The following INTS3 variants were observed in gnomAD, a reference collection of about 807,000 sequenced individuals.
INTS3 encodes the protein integrator complex subunit 3.
In INTS3, 34 loss-of-function variants were observed where a neutral mutation model predicts 146.3. That is an observed-to-expected ratio of 0.23 (90% CI 0.18 to 0.31). INTS3 has a LOEUF of 0.31. Ranked by LOEUF, INTS3 falls within the 10% of genes least tolerant of loss-of-function variation. The pLI is 1.00. For missense variants in INTS3, 757 were observed against 1,304.2 expected (o/e 0.58, Z 6.46); for synonymous variants, 475 against 494.9 (o/e 0.96, Z 0.53).
intron 25 of INTS3, among the ~76,000 whole-genome samples, chr1:153,771,426 A>G (rs576841942): frequency 6.6e-6 from 1 of 151,832 alleles, no homozygotes; most frequent in African/African-American, 2.4e-5. Context: ...TCCAGCTGGA[A>G]GCCAGGTTGG....
At chr1:153,743,304 G>A (rs1191220212) in intron 3 of INTS3, among the ~76,000 whole-genome samples, 1 of 152,220 alleles carries the variant, frequency 6.6e-6, no homozygotes, top group African/African-American at 2.4e-5. Flanking sequence ...AGAAACCTCA[G>A]GATGTATTTG....
At chr1:153,745,996 G>A (rs9426901) in intron 3 of INTS3, among the ~76,000 whole-genome samples, 2 of 151,928 alleles carry the variant, frequency 1.3e-5, no homozygotes, top group African/African-American at 2.4e-5. Context: ...TACCAGCTAC[G>A]CAGAAGTTCG....
At chr1:153,752,458 G>A (rs200325233) in intron 8 of INTS3, 50 bp downstream of exon 8, 1 of 1,567,120 alleles carries the variant, frequency 6.4e-7, no homozygotes. Context: ...AGTTCAATGT[G>A]TATGTCTTGC....
chr1:153,739,962 G>A lies in INTS3; in HGVS notation c.151-689G>A, dbSNP rs555071942. On this transcript the variant is annotated intron_variant, in intron 1 of 29. Transcript: ENST00000318967. ...ATTACAGGCGCACACCACCATGCCCGGCTAATTTTTTGTATTTTTAGTAGA... is the reference window on the plus strand; with the variant it reads ...ATTACAGGCGCACACCACCATGCCCAGCTAATTTTTTGTATTTTTAGTAGA... Among the ~76,000 whole-genome samples, 128 of 149,690 alleles carry A rather than the reference G, an allele frequency of 8.6e-4. 1 individual carries two copies. The highest frequency in any genetic ancestry group is 3.1e-4 in the Non-Finnish European group (21 of 67,668).
chr1:153,729,058 T>C (rs1273098369), intron 1 of INTS3, among the ~76,000 whole-genome samples: 1 of 152,184 alleles, frequency 6.6e-6, no homozygotes, highest in Non-Finnish European at 1.5e-5. Flanking sequence ...TTACCGAATT[T>C]ATTTTTGACA....
At chr1:153,737,500 C>A (rs555523631) in intron 1 of INTS3, among the ~76,000 whole-genome samples, 17 of 152,046 alleles carry the variant, frequency 1.1e-4, no homozygotes, top group African/African-American at 3.1e-4. Context: ...TAACTGGAGA[C>A]CCTGGTACTT....
rs762534132 is a variant in INTS3 at position 153,738,106 on chromosome 1, AT to A, written c.151-2544del. Among the ~76,000 whole-genome samples, 209 of 152,218 alleles carry A rather than the reference AT, an allele frequency of 1.4e-3. 1 individual carries two copies. The highest frequency in any genetic ancestry group is 2.4e-3 in the Non-Finnish European group (163 of 68,014). On this transcript the variant is annotated intron_variant, in intron 1 of 29. Transcript: ENST00000318967. ...AAAACATAATCATAATATTTATATC[AT>A]AACTAAAAACATTAACAATAATGTT...
intron 20 of INTS3, among the ~76,000 whole-genome samples, chr1:153,765,627 T>C (rs948881448): frequency 6.6e-6 from 1 of 152,054 alleles, no homozygotes; most frequent in Non-Finnish European, 1.5e-5. Context: ...TGGAGTGCAG[T>C]GGTACAATCT....
chr1:153,728,373 C>G lies in INTS3; in HGVS notation c.-262C>G. On this transcript the variant is annotated 5_prime_UTR_variant, in exon 1 of 30. Coordinates refer to ENST00000318967, the MANE Select transcript of INTS3 (RefSeq NM_023015.5). ...CTACCCTTCCCATAGGGACACAGGC[C>G]TTTACCCCACTGTACTTCGGAGCCA... 2.1e-6 allele frequency: 1 copy of G among 466,600 alleles called. No individual in the cohort carries two copies. Among genetic ancestry groups the G allele is most frequent in the Non-Finnish European group, 3.8e-6 (1 of 266,360 alleles). 28.9% of individuals were successfully genotyped at this position (466,600 alleles called of 1,614,324 possible).
chr1:153,774,756 C>T lies in INTS3; in HGVS notation c.*1486C>T, dbSNP rs1047557422. 3 of 241,524 alleles carry T rather than the reference C, an allele frequency of 1.2e-5. No individual in the cohort carries two copies. Among genetic ancestry groups the T allele is most frequent in the African/African-American group, 2.3e-5 (1 of 43,350 alleles). The allele number at this position is 241,524 out of a possible 1,614,324, so 15.0% of individuals were successfully genotyped here. ...AACCACTGGAGGCTTCTTTTTCCTT[C>T]CTCTCTCCTTCCCCAGTTTCCTCTG... On this transcript the variant is annotated 3_prime_UTR_variant, in exon 30 of 30. Transcript: ENST00000318967.
chr1:153,729,444 A>G (rs886112556), intron 1 of INTS3, among the ~76,000 whole-genome samples: 1 of 152,168 alleles, frequency 6.6e-6, no homozygotes, highest in South Asian at 2.1e-4. Flanking sequence ...AATGGAATGG[A>G]CCTGAATGAG....
chr1:153,730,617 A>G (rs373365317), intron 1 of INTS3, among the ~76,000 whole-genome samples: 29 of 152,272 alleles, frequency 1.9e-4, no homozygotes, highest in African/African-American at 6.7e-4. Context: ...GTTTGCTACT[A>G]AATGAAATGA....
In INTS3 at chr1:153,771,834, C is replaced by T. The variant is rs1672888172; in HGVS notation, c.2591C>T (p.Pro864Leu). The T allele has an allele frequency of 6.2e-7, 1 of 1,613,998 alleles. No individual in the cohort carries two copies. Among genetic ancestry groups the T allele is most frequent in the Non-Finnish European group, 8.5e-7 (1 of 1,179,970 alleles). The change falls in exon 26 of 30, where the codon CCC becomes CTC. Residue 864 changes from proline (P) to leucine (L), a missense_variant. Pro to Leu is a moderately conservative substitution (Grantham distance 98). Coordinates refer to ENST00000318967, the MANE Select transcript of INTS3 (RefSeq NM_023015.5). ...ATGGTGAAGATGGTGCTGAGCCGGC[C>T]CTGCCATCCTGACGACCAGTTCACC... ...EEMVKMVLSR[P>L]CHPDDQFTTS... is the part of the protein sequence containing the mutation.
intron 12 of INTS3, 128 bp from the exon 13 acceptor site, chr1:153,760,699 C>A: frequency 1.3e-6 from 1 of 782,400 alleles, no homozygotes; most frequent in Non-Finnish European, 2.2e-6. Flanking sequence ...TCAGGAAGTC[C>A]AGTTCTCTCT....
rs928892363 is a variant in INTS3, at chr1:153,746,347, T to TG, written c.319-603dup. 6.6e-5 allele frequency among the ~76,000 whole-genome samples: 10 copies of TG among 152,222 alleles called. No individual in the cohort carries two copies. The South Asian group carries it at 1.7e-3, about 25-fold the overall frequency. On this transcript the variant is annotated intron_variant, in intron 3 of 29. Coordinates refer to ENST00000318967, the MANE Select transcript of INTS3 (RefSeq NM_023015.5). ...GTATGACACTTCCTAAGATGGGAAG[T>TG]GGGGGGGACAGGGATAGTACTAGGA...
chr1:153,773,357 G>A lies in INTS3; in HGVS notation c.*87G>A. 2.4e-6 allele frequency: 3 copies of A among 1,254,158 alleles called. No homozygotes were observed. The highest frequency in any genetic ancestry group is 3.5e-6 in the Non-Finnish European group (3 of 853,836). The allele number at this position is 1,254,158 out of a possible 1,614,324, so 77.7% of individuals were successfully genotyped here. ...GTTAATAGAGGCTGAGGAGATTGCAGGGGAAACACCCTTGCTGCATCCCCA... is the reference window on the plus strand; with the variant it reads ...GTTAATAGAGGCTGAGGAGATTGCAAGGGAAACACCCTTGCTGCATCCCCA... On this transcript the variant is annotated 3_prime_UTR_variant, in exon 30 of 30. Transcript: ENST00000318967.
chr1:153,740,703 A>G lies in INTS3; in HGVS notation c.203A>G (p.Glu68Gly). Residue 68 changes from glutamate to glycine, a missense_variant, in exon 2 of 30, where the codon GAG becomes GGG. Glu to Gly is a moderately conservative substitution (Grantham distance 98, BLOSUM62 -2). This residue lies in a region of INTS3 where 160 missense variants were observed against 193.7 expected (regional missense o/e 0.83). Coordinates refer to ENST00000318967, the MANE Select transcript of INTS3 (RefSeq NM_023015.5). ...ACATCGATGACTGCTGGTGTCTCGG[A>G]GAGAGAAGCCAATGATGCCCTCAAT... Reference protein sequence around the residue: ...IVTSMTAGVSEREANDALNAY... With the variant: ...IVTSMTAGVSGREANDALNAY... 1 of 1,614,024 alleles carries G rather than the reference A, an allele frequency of 6.2e-7. No homozygotes were observed. The highest frequency in any genetic ancestry group is 8.5e-7 in the Non-Finnish European group (1 of 1,179,928).
chr1:153,753,270 G>A (rs942014247), intron 8 of INTS3, among the ~76,000 whole-genome samples: 8 of 152,068 alleles, frequency 5.3e-5, no homozygotes, highest in African/African-American at 1.9e-4. Context: ...AAGAAACTGA[G>A]GTTTGAGGCC....
chr1:153,751,300 G>A (rs998875654), intron 7 of INTS3, 61 bp downstream of exon 7: 3 of 1,546,896 alleles, frequency 1.9e-6, no homozygotes, highest in Middle Eastern at 1.7e-4. Context: ...TACCTCTGGA[G>A]GTTTATGCAG....
Sources: allele counts gnomAD v4.1 joint callset (sites outside exome capture counted in the v4.1 genomes callset), GRCh38; gene constraint gnomAD v4.1.1; regional missense constraint gnomAD v4.1.1; transcripts MANE v1.5; gene names NCBI Gene and HGNC (gene_info 2026-07-23, HGNC 2026-07-21).